The following EGFR variants were observed in gnomAD, a reference collection of about 807,000 sequenced individuals.
The protein encoded by EGFR is epidermal growth factor receptor, also known as avian erythroblastic leukemia viral (v-erb-b) oncogene homolog.
In EGFR, 58 loss-of-function variants were observed where a neutral mutation model predicts 143.0. That is an observed-to-expected ratio of 0.41 (90% CI 0.33 to 0.50). EGFR has a LOEUF of 0.50. Ranked by LOEUF, EGFR falls within the 20% of genes least tolerant of loss-of-function variation. The probability of loss-of-function intolerance (pLI) is 0.39; values close to 1 mark genes in which losing one functional copy is unlikely to be tolerated. For synonymous variants in EGFR, 613 were observed against 594.4 expected, an observed-to-expected ratio of 1.03 and a Z score of -0.45; for missense variants, 1,307 against 1,579.0, an observed-to-expected ratio of 0.83 and a Z score of 2.92.
intron 1 of EGFR, among the ~76,000 whole-genome samples, chr7:55,028,023 T>TATATATATAC (rs1271361412): frequency 2.5e-4 from 28 of 110,692 alleles, no homozygotes; most frequent in Non-Finnish European, 3.6e-4. Flanking sequence ...TATATATATA[T>TATATATATAC]ATACACACAC....
intron 1 of EGFR, among the ~76,000 whole-genome samples, chr7:55,097,305 G>T (rs561629137): frequency 1.3e-5 from 2 of 152,270 alleles, no homozygotes; most frequent in African/African-American, 4.8e-5. Flanking sequence ...GATGCTCTCA[G>T]ATCTACAGGG....
In EGFR at chr7:55,205,681, C is replaced by T. The variant is rs1788083320; in HGVS notation, c.*64C>T. 1 of 1,612,184 alleles carries T rather than the reference C, an allele frequency of 6.2e-7. No homozygotes were observed. The highest frequency in any genetic ancestry group is 8.5e-7 in the Non-Finnish European group (1 of 1,179,088). On this transcript the variant is annotated 3_prime_UTR_variant, in exon 28 of 28. Coordinates refer to ENST00000275493, the MANE Select transcript of EGFR (RefSeq NM_005228.5). ...TTCGATACCCAGGACCAAGCCACAG[C>T]AGGTCCTCCATCCCAACAGCCATGC... is the stretch of plus-strand genomic sequence containing the variant.
intron 1 of EGFR, among the ~76,000 whole-genome samples, chr7:55,078,834 G>A (rs1184734580): frequency 6.6e-6 from 1 of 152,152 alleles, no homozygotes; most frequent in Non-Finnish European, 1.5e-5. Flanking sequence ...GTGGAGTGGC[G>A]TTGCTGAGAC....
At chr7:55,153,107 G>C (rs1405841395) in intron 6 of EGFR, among the ~76,000 whole-genome samples, 34 of 152,202 alleles carry the variant, frequency 2.2e-4, no homozygotes, top group Admixed American at 2.2e-3. Context: ...AGAGACCCAT[G>C]GAGAGCCACA....
In EGFR at chr7:55,205,272, C is replaced by T. The variant is rs143770509; in HGVS notation, c.3288C>T (p.Ser1096=). The change falls in exon 28 of 28, where the codon TCC becomes TCT. Residue 1096 remains serine, a synonymous_variant. Transcript: ENST00000275493. ...FLPVPEYINQ[S]VPKRPAGSVQ... ...CACTTTCAGAATACATAAACCAGTC[C>T]GTTCCCAAAAGGCCCGCTGGCTCTG... 66 of 1,613,252 alleles carry T rather than the reference C, an allele frequency of 4.1e-5. No individual in the cohort carries two copies. The African/African-American group carries it at 5.5e-4, about 13-fold the overall frequency.
chr7:55,168,072 A>G (rs1375035521), intron 15 of EGFR, among the ~76,000 whole-genome samples: 1 of 152,188 alleles, frequency 6.6e-6, no homozygotes, highest in Non-Finnish European at 1.5e-5. Context: ...TTTCCCTGGG[A>G]ACAATGTAAG....
intron 1 of EGFR, among the ~76,000 whole-genome samples, chr7:55,126,177 C>G (rs1310510190): frequency 6.6e-6 from 1 of 152,162 alleles, no homozygotes; most frequent in Non-Finnish European, 1.5e-5. Context: ...TAGATCATCC[C>G]CATGGCATAA....
chr7:55,088,622 A>T (rs1316184412), intron 1 of EGFR, among the ~76,000 whole-genome samples: 1 of 152,270 alleles, frequency 6.6e-6, no homozygotes, highest in East Asian at 1.9e-4. Flanking sequence ...TGGGCATGCG[A>T]CCTTTCCCGT....
At chr7:55,135,852 A>G (rs1794107224) in intron 1 of EGFR, among the ~76,000 whole-genome samples, 1 of 152,142 alleles carries the variant, frequency 6.6e-6, no homozygotes. Context: ...TGTATTTTTT[A>G]AGATAGCCTT....
At chr7:55,036,271 T>TGGGG (rs557551216) in intron 1 of EGFR, among the ~76,000 whole-genome samples, 7 of 22,398 alleles carry the variant, frequency 3.1e-4, no homozygotes, top group Admixed American at 1.8e-3. Context: ...TGTGTGTGTG[T>TGGGG]GGGGGGGGGG....
chr7:55,031,714 G>C (rs759032649), intron 1 of EGFR, among the ~76,000 whole-genome samples: 8 of 152,200 alleles, frequency 5.3e-5, no homozygotes, highest in Non-Finnish European at 8.8e-5. Flanking sequence ...CTATAGCCAG[G>C]GAGATAAGTA....
At chr7:55,197,487 G>A (rs1205998223) in intron 22 of EGFR, among the ~76,000 whole-genome samples, 1 of 152,084 alleles carries the variant, frequency 6.6e-6, no homozygotes, top group Non-Finnish European at 1.5e-5. Flanking sequence ...CTTCCTGTTT[G>A]GATGTCCATT....
At chr7:55,023,936 G>C (rs560035132) in intron 1 of EGFR, among the ~76,000 whole-genome samples, 1 of 152,220 alleles carries the variant, frequency 6.6e-6, no homozygotes, top group African/African-American at 2.4e-5. Flanking sequence ...TGGCTCTTTG[G>C]ACGACATCTC....
intron 1 of EGFR, among the ~76,000 whole-genome samples, chr7:55,056,809 C>T (rs771000376): frequency 1.3e-5 from 2 of 152,194 alleles, no homozygotes; most frequent in Non-Finnish European, 2.9e-5. Flanking sequence ...CCAACAACAG[C>T]GTGGTGTGGA....
At position 55,173,082 on chromosome 7, in the gene EGFR, C is replaced by T. The variant is rs763193362; in HGVS notation, c.2019C>T (p.Ile673=). ...GCCTCTTCATGCGAAGGCGCCACAT[C>T]GTTCGGAAGCGCACGCTGCGGAGGC... The part of the protein sequence containing the change: ...GIGLFMRRRH[I]VRKRTLRRLL... The change falls in exon 17 of 28, where the codon ATC becomes ATT. Residue 673 remains isoleucine (I), a synonymous_variant. Coordinates refer to ENST00000275493, the MANE Select transcript of EGFR (RefSeq NM_005228.5). The T allele has an allele frequency of 1.5e-5, 24 of 1,612,950 alleles. No individual in the cohort carries two copies. The East Asian group carries it at 1.6e-4, about 10-fold the overall frequency.
chr7:55,091,155 TG>T (rs899943769), intron 1 of EGFR, among the ~76,000 whole-genome samples: 57 of 152,332 alleles, frequency 3.7e-4, no homozygotes, highest in Middle Eastern at 3.4e-3. Context: ...TTTCTAGTTT[TG>T]TTTTGTATTG....
At chr7:55,170,135 A>T (rs1786271838) in intron 15 of EGFR, among the ~76,000 whole-genome samples, 1 of 152,202 alleles carries the variant, frequency 6.6e-6, no homozygotes, top group Non-Finnish European at 1.5e-5. Context: ...AGACTGCAGT[A>T]CATGACACCA....
At chr7:55,189,289 A>G (rs771028485) in intron 20 of EGFR, among the ~76,000 whole-genome samples, 59 of 152,194 alleles carry the variant, frequency 3.9e-4, no homozygotes, top group Non-Finnish European at 6.0e-4. Flanking sequence ...CACATGCTTC[A>G]GTCTCTGGAC....
At position 55,160,160 on chromosome 7, in the gene EGFR, C is replaced by T. The variant is rs761495014; in HGVS notation, c.1320C>T (p.Val440=). 13 of 1,614,010 alleles carry T rather than the reference C, an allele frequency of 8.1e-6. No individual in the cohort carries two copies. Among genetic ancestry groups the T allele is most frequent in the South Asian group, 2.2e-5 (2 of 91,074 alleles). Reference sequence around the variant, plus strand: ...GTAGTGGTCAGTTTTCTCTTGCAGTCGTCAGCCTGAACATAACATCCTTGG... The same window carrying T: ...GTAGTGGTCAGTTTTCTCTTGCAGTTGTCAGCCTGAACATAACATCCTTGG... The part of the protein sequence containing the change: ...TKQHGQFSLA[V]VSLNITSLGL... The change falls in exon 12 of 28, where the codon GTC becomes GTT. Residue 440 remains valine (V), a synonymous_variant. Coordinates refer to ENST00000275493, the MANE Select transcript of EGFR (RefSeq NM_005228.5).
Sources: gnomAD v4.1 joint callset for allele counts (sites outside exome capture counted in the v4.1 genomes callset) on GRCh38, gnomAD v4.1.1 for gene constraint, MANE v1.5 for transcripts, NCBI Gene and HGNC (gene_info 2026-07-23, HGNC 2026-07-21) for gene names.